ADAMTSL2: variants seen among roughly 807,000 people sequenced by gnomAD.
ADAMTSL2 encodes ADAMTS-like protein 2.
In ADAMTSL2, 55 loss-of-function variants were observed where a neutral mutation model predicts 117.0. The ratio of observed to expected loss-of-function variants is 0.47; its 90% CI spans 0.38 to 0.59. The LOEUF is 0.59. ADAMTSL2 is among the 20% of genes least tolerant of loss of function. The probability of loss-of-function intolerance (pLI) is 0.00; values close to 1 mark genes in which losing one functional copy is unlikely to be tolerated. For missense variants in ADAMTSL2, 1,182 were observed against 1,354.5 expected (o/e 0.87, Z 2.00); for synonymous variants, 572 against 566.4 (o/e 1.01, Z -0.14).
rs927245311 is a variant in ADAMTSL2 at position 133,575,228 on chromosome 9, C to T, written c.*364C>T. On this transcript the variant is annotated 3_prime_UTR_variant, in exon 19 of 19. Coordinates refer to ENST00000651351, the MANE Select transcript of ADAMTSL2 (RefSeq NM_014694.4). ...TGTCTTGCTCCGGGCCCGTAGCCCA[C>T]GCCCTCTCTGGGTGGCAGGGCCTTC... is the stretch of plus-strand genomic sequence containing the variant. 1.2e-4 allele frequency: 36 copies of T among 296,268 alleles called. No homozygotes were observed. The highest frequency in any genetic ancestry group is 3.4e-4 in the African/African-American group (16 of 46,398). 18.4% of individuals were successfully genotyped at this position (296,268 alleles called of 1,614,324 possible).
chr9:133,546,413 G>T (rs1364175656), intron 8 of ADAMTSL2, among the ~76,000 whole-genome samples: 2 of 149,486 alleles, frequency 1.3e-5, no homozygotes, highest in East Asian at 4.1e-4. Flanking sequence ...GACTGAGATT[G>T]GACCAGGCCG....
chr9:133,552,783 C>T (rs928682116), intron 9 of ADAMTSL2, among the ~76,000 whole-genome samples: 61 of 152,258 alleles, frequency 4.0e-4, no homozygotes, highest in East Asian at 1.2e-3. Context: ...GCTGAACTAT[C>T]GAGTTAAATG....
chr9:133,561,903 G>A (rs1437359500), intron 12 of ADAMTSL2, among the ~76,000 whole-genome samples: 1 of 152,216 alleles, frequency 6.6e-6, no homozygotes, highest in East Asian at 1.9e-4. Context: ...AGCTGCCTCT[G>A]CTGCCCACTC....
At chr9:133,539,334 G>A (rs890865230) in intron 4 of ADAMTSL2, among the ~76,000 whole-genome samples, 4 of 152,180 alleles carry the variant, frequency 2.6e-5, no homozygotes, top group Non-Finnish European at 2.9e-5. Flanking sequence ...ATGGAGTCAG[G>A]ACCACGATCT....
chr9:133,574,915 G>A lies in ADAMTSL2; in HGVS notation c.*51G>A, dbSNP rs764794815. 1.9e-4 allele frequency: 272 copies of A among 1,454,216 alleles called. 1 individual carries two copies. The Middle Eastern group carries it at 3.1e-3, about 17-fold the overall frequency. 90.1% of individuals were successfully genotyped at this position (1,454,216 alleles called of 1,614,324 possible). On this transcript the variant is annotated 3_prime_UTR_variant, in exon 19 of 19. Transcript: ENST00000651351. ...ATGAAGACCAAGCGCCCCTCCTGGGGCTGCTGCAGCTTCTGGGGCCTCCAC... is the reference window on the plus strand; with the variant it reads ...ATGAAGACCAAGCGCCCCTCCTGGGACTGCTGCAGCTTCTGGGGCCTCCAC...
chr9:133,543,833 C>CT (rs1830284496), intron 7 of ADAMTSL2, among the ~76,000 whole-genome samples: 2 of 152,370 alleles, frequency 1.3e-5, no homozygotes, highest in African/African-American at 4.8e-5. Context: ...AGCACCTCCC[C>CT]TCCAGACCCT....
At position 133,536,625 on chromosome 9, in the gene ADAMTSL2, G is replaced by A. The variant is rs1830058817; in HGVS notation, c.-88G>A. On this transcript the variant is annotated 5_prime_UTR_variant, in exon 2 of 19. Coordinates refer to ENST00000651351, the MANE Select transcript of ADAMTSL2 (RefSeq NM_014694.4). ...ACCTTGAGGCCTGGGCACTGGCTGG[G>A]CCCCGAGGGCTCTTCCCAAAGCGTA... The A allele has an allele frequency of 6.2e-7, 1 of 1,613,482 alleles. No individual in the cohort carries two copies. Among genetic ancestry groups the A allele is most frequent in the Admixed American group, 1.7e-5 (1 of 59,954 alleles).
intron 11 of ADAMTSL2, 53 bp downstream of exon 11, chr9:133,555,983 G>C: frequency 6.3e-7 from 1 of 1,591,396 alleles, no homozygotes; most frequent in Non-Finnish European, 8.5e-7. Context: ...GCAGGATGGG[G>C]CCGAGGCCAG....
At position 133,539,890 on chromosome 9, in the gene ADAMTSL2, G is replaced by C. The variant is rs913136267; in HGVS notation, c.412+17G>C. ...TGTACCCGGGTACCTGCCGCCCTGG[G>C]GACCCACCTTGCAGGGAGCTGACTG... On this transcript the variant is annotated intron_variant, in intron 5 of 18. Coordinates refer to ENST00000651351, the MANE Select transcript of ADAMTSL2 (RefSeq NM_014694.4). 6.5e-7 allele frequency: 1 copy of C among 1,550,070 alleles called. No homozygotes were observed. The highest frequency in any genetic ancestry group is 1.4e-5 in the African/African-American group (1 of 73,060).
At chr9:133,547,654 G>C (rs1830384331) in intron 9 of ADAMTSL2, among the ~76,000 whole-genome samples, 1 of 152,208 alleles carries the variant, frequency 6.6e-6, no homozygotes, top group Admixed American at 6.5e-5. Context: ...GGGCATTAAG[G>C]TTGAGGCTGG....
At position 133,539,847 on chromosome 9, in the gene ADAMTSL2, C is replaced by A; in HGVS notation, c.386C>A (p.Thr129Lys). 6.4e-7 allele frequency: 1 copy of A among 1,550,988 alleles called. No individual in the cohort carries two copies. Among genetic ancestry groups the A allele is most frequent in the East Asian group, 2.4e-5 (1 of 40,920 alleles). ...AACTCCCACGTGTACAACGGGCGGA[C>A]GCACCAGTGGAAGCCTCTGTACCCG... ...SFNSHVYNGR[T>K]HQWKPLYPDD... Residue 129 changes from threonine to lysine, a missense_variant, in exon 5 of 19, where the codon ACG (threonine) becomes AAG (lysine). By Grantham distance (78) the Thr-to-Lys change is moderately conservative. Transcript: ENST00000651351.
intron 3 of ADAMTSL2, 52 bp from the exon 4 acceptor site, chr9:133,538,297 A>G: frequency 6.2e-7 from 1 of 1,608,948 alleles, no homozygotes; most frequent in South Asian, 1.1e-5. Flanking sequence ...CCCAGGCGAC[A>G]TTCCTGAAAC....
At chr9:133,568,236 G>A (rs1316701520) in intron 13 of ADAMTSL2, 37 bp from the exon 14 acceptor site, 1 of 1,537,168 alleles carries the variant, frequency 6.5e-7, no homozygotes, top group African/African-American at 1.4e-5. Flanking sequence ...CGGCTGCCAT[G>A]GGGGGGATCA....
At chr9:133,571,609 G>A (rs1237673877) in intron 17 of ADAMTSL2, among the ~76,000 whole-genome samples, 1 of 152,154 alleles carries the variant, frequency 6.6e-6, no homozygotes, top group Non-Finnish European at 1.5e-5. Context: ...TGGGCCCCAC[G>A]GAGGCAGCCC....
Position 133,558,990 on chromosome 9 carries a change from C to T in ADAMTSL2, c.1650-2208C>T, listed in dbSNP as rs1830668000. 6.6e-6 allele frequency among the ~76,000 whole-genome samples: 1 copy of T among 152,132 alleles called. No homozygotes were observed. On this transcript the variant is annotated intron_variant, in intron 11 of 18. Transcript: ENST00000651351. This position sits in a 1 kb window ranked among gnomAD's most constrained non-coding sequence, Gnocchi z 4.3. Reference sequence around the variant, plus strand: ...TCCAAAGGGTTATTTTGAACCGGGCCCGCTCTCTCTTGAGTCAGGCATGAG... The same window carrying T: ...TCCAAAGGGTTATTTTGAACCGGGCTCGCTCTCTCTTGAGTCAGGCATGAG...
At chr9:133,544,204 C>T (rs1432810415) in intron 7 of ADAMTSL2, among the ~76,000 whole-genome samples, 3 of 152,198 alleles carry the variant, frequency 2.0e-5, no homozygotes, top group South Asian at 2.1e-4. Flanking sequence ...CTGTGGCCCT[C>T]GCTGTCCCTC....
At chr9:133,566,749 G>A (rs1046583164) in intron 12 of ADAMTSL2, among the ~76,000 whole-genome samples, 187 bp from the exon 13 acceptor site, 2 of 152,156 alleles carry the variant, frequency 1.3e-5, no homozygotes, top group African/African-American at 2.4e-5. Context: ...GCAAAGAGAA[G>A]AGCTCAGACC....
chr9:133,554,815 T>C lies in ADAMTSL2; in HGVS notation c.1276+122T>C, dbSNP rs965216625. The C allele has an allele frequency of 1.3e-5, 11 of 843,960 alleles. No individual in the cohort carries two copies. In the Admixed American group the frequency reaches 1.5e-4, roughly 11 times the overall value. The allele number at this position is 843,960 out of a possible 1,614,324, so 52.3% of individuals were successfully genotyped here. ...GAGGAGGTTCCTAAGAGCTGCCAGCTACCTGCAGATGTCCTCTGGGCAGGC... is the reference window on the plus strand; with the variant it reads ...GAGGAGGTTCCTAAGAGCTGCCAGCCACCTGCAGATGTCCTCTGGGCAGGC... On this transcript the variant is annotated intron_variant, in intron 10 of 18. Coordinates refer to ENST00000651351, the MANE Select transcript of ADAMTSL2 (RefSeq NM_014694.4). The surrounding 1 kb of genome is among the most constrained non-coding windows in gnomAD (Gnocchi z 5.2).
At position 133,555,630 on chromosome 9, in the gene ADAMTSL2, A is replaced by C; in HGVS notation, c.1349A>C (p.Gln450Pro). 6.2e-7 allele frequency: 1 copy of C among 1,613,470 alleles called. No homozygotes were observed. The highest frequency in any genetic ancestry group is 2.2e-5 in the East Asian group (1 of 44,894). ...GAGGTTGACACCCACTTCGCCTCCCAGGAGTTCTTCTCGGCTAACGCCATC... is the reference window on the plus strand; with the variant it reads ...GAGGTTGACACCCACTTCGCCTCCCCGGAGTTCTTCTCGGCTAACGCCATC... ...DEEVDTHFAS[Q>P]EFFSANAISD... The change falls in exon 11 of 19, where the codon CAG (glutamine) becomes CCG (proline). Residue 450 changes from glutamine to proline, a missense_variant. Gln to Pro is a moderately conservative substitution (Grantham distance 76). This residue lies in a region of ADAMTSL2 where 345 missense variants were observed against 325.8 expected (regional missense o/e 1.06). Transcript: ENST00000651351.
Sources: allele counts gnomAD v4.1 joint callset (sites outside exome capture counted in the v4.1 genomes callset), GRCh38; gene constraint gnomAD v4.1.1; regional missense constraint gnomAD v4.1.1; non-coding constraint Gnocchi (gnomAD v3.1); transcripts MANE v1.5; gene names NCBI Gene and HGNC (gene_info 2026-07-23, HGNC 2026-07-21).